The following KPNA1 variants were observed in gnomAD, a reference collection of about 807,000 sequenced individuals.
KPNA1 encodes the protein importin subunit alpha-5.
In KPNA1, 10 loss-of-function variants were observed where a neutral mutation model predicts 70.5. The ratio of observed to expected loss-of-function variants is 0.14; its 90% CI spans 0.09 to 0.24. The LOEUF (loss-of-function observed/expected upper bound fraction) is 0.24, where lower values mean the gene tolerates loss of function less well. Ranked by LOEUF, KPNA1 falls within the 10% of genes least tolerant of loss-of-function variation. KPNA1 has a pLI of 1.00. For synonymous variants in KPNA1, 192 were observed against 221.9 expected, an observed-to-expected ratio of 0.87 and a Z score of 1.20; for missense variants, 397 against 637.9, an observed-to-expected ratio of 0.62 and a Z score of 4.07.
intron 1 of KPNA1, among the ~76,000 whole-genome samples, chr3:122,499,004 T>A (rs9789994): frequency 0.13 from 20,200 of 152,258 alleles, 1,418 homozygotes; most frequent in Middle Eastern, 0.27. Flanking sequence ...GAAATGAAAT[T>A]GTTTTAATTC....
Position 122,423,154 on chromosome 3 carries a change from A to G in KPNA1, c.*3831T>C, listed in dbSNP as rs1406946803. The G allele has an allele frequency of 1.3e-5, 2 of 152,226 alleles. No individual in the cohort carries two copies. The highest frequency in any genetic ancestry group is 4.8e-5 in the African/African-American group (2 of 41,456). 9.4% of individuals were successfully genotyped at this position (152,226 alleles called of 1,614,324 possible). A position where few individuals can be genotyped will look rare whatever the true frequency, so the allele number is the denominator to read the frequency against. ...TTATGGAATATTCTTTATGATAGCC[A>G]ACTTACTGTAGTAGTCACATCTGAC... On this transcript the variant is annotated 3_prime_UTR_variant, in exon 14 of 14. Transcript: ENST00000344337.
At chr3:122,427,291 G>C (rs1325504162) in intron 13 of KPNA1, 119 bp from the exon 14 acceptor site, 3 of 813,544 alleles carry the variant, frequency 3.7e-6, no homozygotes, top group Non-Finnish European at 3.8e-6. Flanking sequence ...TGTAAAGAAA[G>C]ATTATTTGTA....
At chr3:122,455,544 T>C (rs139804592) in intron 5 of KPNA1, among the ~76,000 whole-genome samples, 1 of 152,124 alleles carries the variant, frequency 6.6e-6, no homozygotes, top group Non-Finnish European at 1.5e-5. Context: ...ATTTGTACCG[T>C]ACTTTATATT....
chr3:122,454,181 G>A (rs1026272183), intron 5 of KPNA1, among the ~76,000 whole-genome samples, 180 bp from the exon 6 acceptor site: 1 of 152,090 alleles, frequency 6.6e-6, no homozygotes, highest in Admixed American at 6.5e-5. Context: ...CCTCAACCTA[G>A]AAGAATATTC....
chr3:122,460,494 G>A (rs1248043488), intron 5 of KPNA1: 2 of 220,112 alleles, frequency 9.1e-6, no homozygotes, highest in African/African-American at 2.3e-5. Flanking sequence ...AGAATTAGCT[G>A]GATATGGTGG....
chr3:122,476,876 A>AC (rs1425590322), intron 2 of KPNA1, among the ~76,000 whole-genome samples: 1 of 150,456 alleles, frequency 6.6e-6, no homozygotes, highest in Non-Finnish European at 1.5e-5. Context: ...AAAAAAAAAA[A>AC]AAAAAAAACT....
chr3:122,463,768 T>A (rs921934613), intron 4 of KPNA1, among the ~76,000 whole-genome samples, 174 bp downstream of exon 4: 5 of 152,164 alleles, frequency 3.3e-5, no homozygotes, highest in African/African-American at 1.2e-4. Flanking sequence ...ATCCCACAAA[T>A]AAATAGGAAA....
intron 1 of KPNA1, among the ~76,000 whole-genome samples, chr3:122,500,465 A>C (rs943691611): frequency 1.3e-5 from 2 of 151,590 alleles, no homozygotes; most frequent in Non-Finnish European, 2.9e-5. Context: ...TAATTTTTAC[A>C]AGGTCACTAG....
chr3:122,480,451 A>AT, intron 2 of KPNA1, among the ~76,000 whole-genome samples: 1 of 152,038 alleles, frequency 6.6e-6, no homozygotes, highest in East Asian at 1.9e-4. Context: ...AAAAAAAAAA[A>AT]TTAATTAAGG....
chr3:122,486,036 G>A (rs1349636562), intron 2 of KPNA1, among the ~76,000 whole-genome samples: 1 of 152,008 alleles, frequency 6.6e-6, no homozygotes, highest in Admixed American at 6.6e-5. Context: ...CTCATGGGAA[G>A]GTAAAATAGT....
Position 122,467,427 on chromosome 3 carries a change from T to C in KPNA1, c.132A>G (p.Leu44=). The C allele has an allele frequency of 6.3e-7, 1 of 1,592,466 alleles. No homozygotes were observed. Among genetic ancestry groups the C allele is most frequent in the Middle Eastern group, 1.7e-4 (1 of 6,024 alleles). The change falls in exon 3 of 14, where the codon TTA becomes TTG. Residue 44 remains leucine (L), a splice_region_variant and synonymous_variant. Transcript: ENST00000344337. The stretch of plus-strand genomic sequence containing the variant: ...CTGTAGCAACATTTCTCCGCTTGAA[T>C]AACTGAAAGATAAAAGATTGGTAGC... ...QLRKQKREEQ[L]FKRRNVATAE...
rs1311619259 is a variant in KPNA1, at chr3:122,464,006, T to C, written c.273A>G (p.Ile91Met). Reference sequence around the variant, plus strand: ...GCTGTTGCTCTGGGCTTTTGGAAAATATCATTTCAATCATGTCAGAAGTGA... The same window carrying C: ...GCTGTTGCTCTGGGCTTTTGGAAAACATCATTTCAATCATGTCAGAAGTGA... The part of the protein sequence containing the change: ...GVITSDMIEM[I>M]FSKSPEQQLS... Residue 91 changes from isoleucine to methionine, a missense_variant, in exon 4 of 14, where the codon ATA (isoleucine) becomes ATG (methionine). Coordinates refer to ENST00000344337, the MANE Select transcript of KPNA1 (RefSeq NM_002264.4). The C allele has an allele frequency of 6.2e-7, 1 of 1,606,522 alleles. No homozygotes were observed. The highest frequency in any genetic ancestry group is 2.2e-5 in the East Asian group (1 of 44,756).
At chr3:122,460,087 C>T in intron 5 of KPNA1, 11 of 985,400 alleles carry the variant, frequency 1.1e-5, no homozygotes, top group Non-Finnish European at 1.3e-5. Context: ...TTGTGATCAA[C>T]TTGGTACCTA....
chr3:122,505,561 A>G (rs2076881703), intron 1 of KPNA1, among the ~76,000 whole-genome samples: 2 of 152,310 alleles, frequency 1.3e-5, no homozygotes, highest in African/African-American at 4.8e-5. Context: ...GTTACTTTTC[A>G]AAGTACCCTC....
intron 5 of KPNA1, among the ~76,000 whole-genome samples, chr3:122,456,006 ACAGT>A (rs2076260907): frequency 6.6e-6 from 1 of 152,244 alleles, no homozygotes; most frequent in Non-Finnish European, 1.5e-5. Context: ...GTAATGTTAC[ACAGT>A]CAAAGACAAG....
chr3:122,459,606 G>A (rs2076300158), intron 5 of KPNA1: 2 of 985,304 alleles, frequency 2.0e-6, no homozygotes, highest in Non-Finnish European at 2.4e-6. Context: ...TTGCTCTCAG[G>A]GTGAACGTGA....
intron 2 of KPNA1, among the ~76,000 whole-genome samples, chr3:122,487,482 T>G (rs1334645170): frequency 6.6e-6 from 1 of 152,250 alleles, no homozygotes; most frequent in African/African-American, 2.4e-5. Context: ...GCAGCATTAT[T>G]CACATGGGCC....
chr3:122,435,964 A>AC (rs2075980637), intron 11 of KPNA1, among the ~76,000 whole-genome samples: 2 of 152,238 alleles, frequency 1.3e-5, no homozygotes, highest in African/African-American at 4.8e-5. Context: ...ATCAGGTCTG[A>AC]CTGCCTGAGA....
At chr3:122,491,658 G>A (rs1200010612) in intron 2 of KPNA1, among the ~76,000 whole-genome samples, 1 of 152,052 alleles carries the variant, frequency 6.6e-6, no homozygotes, top group South Asian at 2.1e-4. Context: ...CTACTCAAGC[G>A]AAAACGTCTC....
Sources: gnomAD v4.1 joint callset for allele counts (sites outside exome capture counted in the v4.1 genomes callset) on GRCh38, gnomAD v4.1.1 for gene constraint, MANE v1.5 for transcripts, NCBI Gene and HGNC (gene_info 2026-07-23, HGNC 2026-07-21) for gene names.